The following EHBP1 variants were observed in gnomAD, a reference collection of about 807,000 sequenced individuals.
EHBP1 encodes the protein EH domain binding protein 1, also known as EH domain-binding protein 1.
EHBP1 carries 55 observed loss-of-function variants against 144.0 expected under a neutral mutation model. The ratio of observed to expected loss-of-function variants is 0.38; its 90% CI spans 0.31 to 0.48. The LOEUF (loss-of-function observed/expected upper bound fraction) is 0.48, where lower values mean the gene tolerates loss of function less well. Among genes scored for constraint, EHBP1 ranks in the 20% least tolerant of loss-of-function variants. EHBP1 has a pLI of 0.98. For missense variants in EHBP1, 1,200 were observed against 1,364.2 expected, an observed-to-expected ratio of 0.88 and a Z score of 1.90; for synonymous variants, 469 against 472.7, an observed-to-expected ratio of 0.99 and a Z score of 0.10.
upstream of EHBP1, among the ~76,000 whole-genome samples, chr2:62,702,723 T>G (rs761702148): frequency 2.6e-5 from 4 of 152,248 alleles, no homozygotes; most frequent in Admixed American, 1.3e-4. Context: ...TGGCACTAAG[T>G]ATTGCCCAAG....
chr2:62,780,361 T>G (rs1047153593), intron 5 of EHBP1, among the ~76,000 whole-genome samples: 4 of 152,104 alleles, frequency 2.6e-5, no homozygotes, highest in Non-Finnish European at 5.9e-5. Flanking sequence ...TGACTGGCTG[T>G]CTGTAAATTA....
chr2:62,857,084 A>G (rs2049119899), intron 7 of EHBP1, among the ~76,000 whole-genome samples: 1 of 152,128 alleles, frequency 6.6e-6, no homozygotes, highest in African/African-American at 2.4e-5. Flanking sequence ...GAGGGAAGCA[A>G]ATTCTTCCCT....
chr2:62,865,078 T>G lies in EHBP1; in HGVS notation c.998+107T>G, dbSNP rs1220783771. 4.1e-6 allele frequency: 5 copies of G among 1,231,892 alleles called. No homozygotes were observed. In the East Asian group the frequency reaches 1.2e-4, roughly 29 times the overall value. 76.3% of individuals were successfully genotyped at this position (1,231,892 alleles called of 1,614,324 possible). On this transcript the variant is annotated intron_variant, in intron 9 of 22. Coordinates refer to ENST00000431489, the MANE Select transcript of EHBP1 (RefSeq NM_001142616.3). ...GGGTACAAATCATTAATGTACACTT[T>G]ATAAGTCAGTATCTAACTCGTCCAC...
intron 18 of EHBP1, chr2:62,994,269 AATT>A (rs2059541954): frequency 5.5e-6 from 1 of 181,156 alleles, no homozygotes; most frequent in African/African-American, 2.3e-5. Flanking sequence ...GGAGGATTTT[AATT>A]ATTACAATAG....
At chr2:62,902,990 A>T (rs1331430122) in intron 10 of EHBP1, among the ~76,000 whole-genome samples, 1 of 152,214 alleles carries the variant, frequency 6.6e-6, no homozygotes. Flanking sequence ...ACATCAGTGT[A>T]TTCTAGTTCT....
intron 1 of EHBP1, among the ~76,000 whole-genome samples, chr2:62,697,158 A>G (rs1485342999): frequency 1.3e-5 from 2 of 152,222 alleles, no homozygotes; most frequent in African/African-American, 2.4e-5. Flanking sequence ...TGTAATTTCA[A>G]TTTTGGCATG....
chr2:62,860,951 AT>A (rs2049479498), intron 8 of EHBP1, among the ~76,000 whole-genome samples: 1 of 151,810 alleles, frequency 6.6e-6, no homozygotes, highest in African/African-American at 2.4e-5. Context: ...TAGAGTAAGT[AT>A]TTTTTATTAT....
intron 5 of EHBP1, 100 bp downstream of exon 5, chr2:62,771,492 A>T: frequency 1.2e-6 from 1 of 810,760 alleles, no homozygotes; most frequent in Non-Finnish European, 1.9e-6. Flanking sequence ...ATGTTGCCTT[A>T]AGAAAATTAA....
chr2:62,874,219 C>A, intron 9 of EHBP1, 127 bp from the exon 10 acceptor site: 2 of 604,066 alleles, frequency 3.3e-6, no homozygotes, highest in South Asian at 3.3e-5. Flanking sequence ...TTCCAAATTC[C>A]AGGTTATCAC....
intron 14 of EHBP1, among the ~76,000 whole-genome samples, chr2:62,964,515 T>C (rs2058151783): frequency 1.3e-5 from 2 of 152,216 alleles, no homozygotes; most frequent in South Asian, 2.1e-4. Context: ...ATATTCTGCT[T>C]TCCCAAGGAT....
intron 1 of EHBP1, among the ~76,000 whole-genome samples, chr2:62,689,981 T>G (rs1250829492): frequency 6.6e-6 from 1 of 152,240 alleles, no homozygotes; most frequent in East Asian, 1.9e-4. Flanking sequence ...TGCATGAATG[T>G]TTTTAAAGTT....
At chr2:62,958,627 A>G (rs2057840235) in intron 14 of EHBP1, among the ~76,000 whole-genome samples, 1 of 152,236 alleles carries the variant, frequency 6.6e-6, no homozygotes, top group Non-Finnish European at 1.5e-5. Context: ...TTACACAGGT[A>G]TATACATTTG....
chr2:62,839,642 A>C (rs1185303300), intron 7 of EHBP1, among the ~76,000 whole-genome samples: 1 of 149,564 alleles, frequency 6.7e-6, no homozygotes. Context: ...ACTTCAGCAA[A>C]GTCTCAGGAT....
intron 5 of EHBP1, among the ~76,000 whole-genome samples, chr2:62,825,093 C>A (rs1161078623): frequency 6.6e-6 from 1 of 151,942 alleles, no homozygotes; most frequent in Admixed American, 6.6e-5. Context: ...GGTCTTAACT[C>A]CCATATCAGT....
At chr2:62,840,791 TATC>T (rs1372274019) in intron 7 of EHBP1, among the ~76,000 whole-genome samples, 11 of 151,908 alleles carry the variant, frequency 7.2e-5, no homozygotes, top group Middle Eastern at 3.4e-3. Flanking sequence ...CACTATGAGA[TATC>T]ATCTCACACC....
chr2:63,045,568 C>G lies in EHBP1; in HGVS notation c.*68C>G, dbSNP rs1167346052. On this transcript the variant is annotated 3_prime_UTR_variant, in exon 23 of 23. Coordinates refer to ENST00000431489, the MANE Select transcript of EHBP1 (RefSeq NM_001142616.3). The surrounding 1 kb of genome is among the most constrained non-coding windows in gnomAD (Gnocchi z 5.7). ...GCTTCCCAAACCAGAAAAAGTCAGA[C>G]TCATTGTTGATTTAAAACTTTTAAC... The G allele has an allele frequency of 7.6e-7, 1 of 1,310,000 alleles. No individual in the cohort carries two copies. The highest frequency in any genetic ancestry group is 2.5e-5 in the East Asian group (1 of 40,666). 81.1% of individuals were successfully genotyped at this position (1,310,000 alleles called of 1,614,324 possible). A position where few individuals can be genotyped will look rare whatever the true frequency, so the allele number is the denominator to read the frequency against.
chr2:62,778,784 C>T (rs1412618327), intron 5 of EHBP1, among the ~76,000 whole-genome samples: 1 of 152,046 alleles, frequency 6.6e-6, no homozygotes, highest in Non-Finnish European at 1.5e-5. Context: ...CTCTTGATCT[C>T]GCAAAATAAC....
At chr2:62,785,631 A>AT (rs1054551694) in intron 5 of EHBP1, among the ~76,000 whole-genome samples, 70 of 151,900 alleles carry the variant, frequency 4.6e-4, no homozygotes, top group African/African-American at 1.6e-3. Flanking sequence ...TATATCAGTG[A>AT]TTTTTTTCCA....
intron 3 of EHBP1, among the ~76,000 whole-genome samples, chr2:62,758,188 A>G (rs992131764): frequency 2.6e-5 from 4 of 151,286 alleles, no homozygotes; most frequent in Non-Finnish European, 5.9e-5. Flanking sequence ...GGTTCTCTGC[A>G]ACCTCCACCT....
Sources: allele counts gnomAD v4.1 joint callset (sites outside exome capture counted in the v4.1 genomes callset), GRCh38; gene constraint gnomAD v4.1.1; non-coding constraint Gnocchi (gnomAD v3.1); transcripts MANE v1.5; gene names NCBI Gene and HGNC (gene_info 2026-07-23, HGNC 2026-07-21).